Variants in EGFR observed in about 807,000 individuals in gnomAD.
The protein encoded by EGFR is avian erythroblastic leukemia viral (v-erb-b) oncogene homolog.
Under a neutral mutation model 143.0 loss-of-function variants are expected in EGFR, and 58 were observed. The observed-to-expected ratio is 0.41, with a 90% confidence interval of 0.33 to 0.50. The LOEUF is 0.50. Ranked by LOEUF, EGFR falls within the 20% of genes least tolerant of loss-of-function variation. The pLI is 0.39. For synonymous variants in EGFR, 613 were observed against 594.4 expected (o/e 1.03, Z -0.45); for missense variants, 1,307 against 1,579.0 (o/e 0.83, Z 2.92).
chr7:55,165,137 A>G, intron 14 of EGFR, 143 bp from the exon 15 acceptor site: 2 of 1,183,692 alleles, frequency 1.7e-6, no homozygotes, highest in Non-Finnish European at 1.2e-6. Flanking sequence ...ATCACAGAAT[A>G]ACTGGTTTTC....
intron 1 of EGFR, among the ~76,000 whole-genome samples, chr7:55,020,343 G>C (rs1786473329): frequency 1.3e-5 from 2 of 152,224 alleles, no homozygotes; most frequent in South Asian, 4.1e-4. Flanking sequence ...CCTGGGCTTC[G>C]CGGTGGAGCG....
intron 1 of EGFR, among the ~76,000 whole-genome samples, chr7:55,043,108 G>C (rs1787992601): frequency 6.6e-6 from 1 of 152,120 alleles, no homozygotes; most frequent in Non-Finnish European, 1.5e-5. Flanking sequence ...TACTTGATGA[G>C]ATCGGGCGCG....
At chr7:55,089,654 T>C (rs1294754714) in intron 1 of EGFR, among the ~76,000 whole-genome samples, 1 of 152,226 alleles carries the variant, frequency 6.6e-6, no homozygotes, top group Non-Finnish European at 1.5e-5. Flanking sequence ...ATCTCTTATG[T>C]TACCCAACAA....
At chr7:55,114,012 C>G (rs1321788626) in intron 1 of EGFR, among the ~76,000 whole-genome samples, 2 of 152,206 alleles carry the variant, frequency 1.3e-5, no homozygotes, top group Non-Finnish European at 2.9e-5. Flanking sequence ...GGAAGCACTG[C>G]TCCACAGAGG....
chr7:55,054,716 GC>G (rs1562673218), intron 1 of EGFR, among the ~76,000 whole-genome samples: 2 of 152,196 alleles, frequency 1.3e-5, no homozygotes, highest in African/African-American at 4.8e-5. Context: ...TGGACCCCTT[GC>G]GGGGCAGTGG....
chr7:55,091,696 G>A (rs1791124746), intron 1 of EGFR, among the ~76,000 whole-genome samples: 1 of 152,188 alleles, frequency 6.6e-6, no homozygotes, highest in African/African-American at 2.4e-5. Context: ...GCCGGGCCCA[G>A]GAGTAGCACT....
At chr7:55,178,410 CTG>C (rs1324844091) in intron 19 of EGFR, among the ~76,000 whole-genome samples, 2 of 152,228 alleles carry the variant, frequency 1.3e-5, no homozygotes, top group Non-Finnish European at 2.9e-5. Flanking sequence ...CGTCTAAAGT[CTG>C]TTAACTGGAG....
chr7:55,200,159 A>AGCT (rs1446718145), intron 23 of EGFR, among the ~76,000 whole-genome samples, 157 bp from the exon 24 acceptor site: 1 of 152,244 alleles, frequency 6.6e-6, no homozygotes, highest in East Asian at 1.9e-4. Flanking sequence ...AACCAGTACT[A>AGCT]GCTGGCCAAG....
chr7:55,082,939 A>G (rs141625619), intron 1 of EGFR, among the ~76,000 whole-genome samples: 2 of 152,282 alleles, frequency 1.3e-5, no homozygotes, highest in East Asian at 1.9e-4. Context: ...TTGTAGATGC[A>G]AAACTCCGAT....
chr7:55,094,222 T>C (rs914349719), intron 1 of EGFR, among the ~76,000 whole-genome samples: 2 of 152,238 alleles, frequency 1.3e-5, no homozygotes, highest in African/African-American at 2.4e-5. Flanking sequence ...GAAAAATGAA[T>C]TGGCTTCACC....
intron 1 of EGFR, among the ~76,000 whole-genome samples, chr7:55,064,104 A>C (rs1236863412): frequency 1.3e-5 from 2 of 152,230 alleles, no homozygotes; most frequent in Non-Finnish European, 2.9e-5. Flanking sequence ...TTTGATATAC[A>C]AAATAATACA....
intron 1 of EGFR, among the ~76,000 whole-genome samples, chr7:55,141,832 C>G (rs1266361037): frequency 6.6e-6 from 1 of 152,124 alleles, no homozygotes. Flanking sequence ...TTAACTCAAC[C>G]CTACAGTTAT....
chr7:55,181,612 T>C (rs2128959199), intron 20 of EGFR, 134 bp downstream of exon 20: 1 of 1,054,376 alleles, frequency 9.5e-7, no homozygotes, highest in Non-Finnish European at 1.4e-6. Flanking sequence ...CACATTCCTT[T>C]ATTTTGGATT....
chr7:55,025,986 AT>A (rs1172947666), intron 1 of EGFR, among the ~76,000 whole-genome samples: 2 of 151,912 alleles, frequency 1.3e-5, no homozygotes, highest in Non-Finnish European at 2.9e-5. Context: ...GTAGGAGATG[AT>A]TTTTTTTCTT....
chr7:55,142,165 GTC>G, intron 1 of EGFR, 119 bp from the exon 2 acceptor site: 1 of 1,216,198 alleles, frequency 8.2e-7, no homozygotes, highest in Non-Finnish European at 1.2e-6. Flanking sequence ...GAATGGGTGA[GTC>G]TCTGTGTGGA....
intron 1 of EGFR, among the ~76,000 whole-genome samples, chr7:55,027,987 A>AT (rs1158500265): frequency 2.0e-4 from 16 of 79,126 alleles, no homozygotes; most frequent in African/African-American, 4.7e-4. Context: ...AAAAAAAAAA[A>AT]AAAAATATAT....
chr7:55,201,630 C>T (rs1787853408), intron 25 of EGFR, 105 bp from the exon 26 acceptor site: 1 of 1,421,880 alleles, frequency 7.0e-7, no homozygotes, highest in Non-Finnish European at 9.9e-7. Context: ...AAAAATTAAA[C>T]ACCTTCACAA....
Position 55,208,224 on chromosome 7 carries a change from CCCT to C in EGFR, c.*2608_*2610del, listed in dbSNP as rs1788156361. The C allele has an allele frequency of 6.6e-6, 1 of 152,164 alleles. No individual in the cohort carries two copies. The highest frequency in any genetic ancestry group is 2.4e-5 in the African/African-American group (1 of 41,424). 9.4% of individuals were successfully genotyped at this position (152,164 alleles called of 1,614,324 possible). Reference sequence around the variant, plus strand: ...GTTCTGTCTGGTAGAAGCCGCAAAGCCCTTAGCCTCTTCACGGATCTGGCGACT... The same window carrying C: ...GTTCTGTCTGGTAGAAGCCGCAAAGCTAGCCTCTTCACGGATCTGGCGACT... On this transcript the variant is annotated 3_prime_UTR_variant, in exon 28 of 28. Transcript: ENST00000275493.
At chr7:55,180,835 C>G (rs1786827471) in intron 19 of EGFR, 1 of 218,198 alleles carries the variant, frequency 4.6e-6, no homozygotes, top group Admixed American at 5.2e-5. Context: ...GCACCCACAG[C>G]CAGCGTTCCT....
Sources: allele counts gnomAD v4.1 joint callset (sites outside exome capture counted in the v4.1 genomes callset), GRCh38; gene constraint gnomAD v4.1.1; transcripts MANE v1.5; gene names NCBI Gene and HGNC (gene_info 2026-07-23, HGNC 2026-07-21).